Variants in GFRAL observed in about 807,000 individuals in gnomAD.
GFRAL encodes the protein GDNF family receptor alpha-like.
A neutral mutation model predicts 45.4 loss-of-function variants in GFRAL; 36 were observed. The ratio of observed to expected loss-of-function variants is 0.79; its 90% CI spans 0.61 to 1.05. The LOEUF (loss-of-function observed/expected upper bound fraction) is 1.05, where lower values mean the gene tolerates loss of function less well. GFRAL is among the 50% of genes least tolerant of loss of function. The pLI, the probability that GFRAL is intolerant of heterozygous loss-of-function variation, is 0.00. For missense variants in GFRAL, 507 were observed against 467.5 expected, an observed-to-expected ratio of 1.08 and a Z score of -0.78; for synonymous variants, 166 against 154.1, an observed-to-expected ratio of 1.08 and a Z score of -0.57.
chr6:55,395,164 A>G (rs1451839052), intron 6 of GFRAL, among the ~76,000 whole-genome samples: 4 of 84,232 alleles, frequency 4.7e-5, no homozygotes, highest in African/African-American at 2.0e-4. Flanking sequence ...AGCCTATGGA[A>G]AAAAAAAAAA....
At chr6:55,391,678 A>G (rs1464881639) in intron 6 of GFRAL, among the ~76,000 whole-genome samples, 1 of 151,578 alleles carries the variant, frequency 6.6e-6, no homozygotes, top group Non-Finnish European at 1.5e-5. Context: ...TGAGCCCAGG[A>G]GTTCAAAGTT....
chr6:55,363,589 C>G (rs1016489436), intron 6 of GFRAL, among the ~76,000 whole-genome samples: 2 of 93,600 alleles, frequency 2.1e-5, no homozygotes, highest in African/African-American at 4.5e-5. Flanking sequence ...CCTCCCCCCT[C>G]CCCCCACCCC....
chr6:55,379,816 A>G (rs1198354286), intron 6 of GFRAL, among the ~76,000 whole-genome samples: 1 of 151,642 alleles, frequency 6.6e-6, no homozygotes, highest in Non-Finnish European at 1.5e-5. Flanking sequence ...CTCCCCAACA[A>G]CCCTTGCTTT....
intron 3 of GFRAL, among the ~76,000 whole-genome samples, chr6:55,343,841 G>T (rs1768003356): frequency 6.6e-6 from 1 of 151,894 alleles, no homozygotes; most frequent in African/African-American, 2.4e-5. Context: ...AATGATAAAG[G>T]GGATATCACC....
intron 3 of GFRAL, among the ~76,000 whole-genome samples, chr6:55,336,352 T>C (rs1015728675): frequency 6.0e-4 from 92 of 152,232 alleles, no homozygotes; most frequent in African/African-American, 2.1e-3. Flanking sequence ...CAATTTACTA[T>C]GTCGAGTGTT....
Position 55,351,671 on chromosome 6 carries a change from C to G in GFRAL, c.701+88C>G, listed in dbSNP as rs560467154. 8 of 876,928 alleles carry G rather than the reference C, an allele frequency of 9.1e-6. No homozygotes were observed. In the East Asian group the frequency reaches 1.5e-4, roughly 17 times the overall value. 54.3% of individuals were successfully genotyped at this position (876,928 alleles called of 1,614,324 possible). ...CTAACACTTGATCTCATAACATTAG[C>G]TAGAGTTCCCACCATCATCCAACAT... On this transcript the variant is annotated intron_variant, in intron 5 of 8. Transcript: ENST00000340465.
At chr6:55,379,144 C>T (rs937059111) in intron 6 of GFRAL, among the ~76,000 whole-genome samples, 4 of 151,966 alleles carry the variant, frequency 2.6e-5, no homozygotes, top group Admixed American at 1.3e-4. Flanking sequence ...ATGTTACACA[C>T]TGTGCCTTTA....
chr6:55,329,693 T>C (rs1305213997), intron 1 of GFRAL, among the ~76,000 whole-genome samples: 1 of 152,072 alleles, frequency 6.6e-6, no homozygotes, highest in Non-Finnish European at 1.5e-5. Context: ...AAAGCTGATA[T>C]GTCCATTTCC....
intron 6 of GFRAL, among the ~76,000 whole-genome samples, chr6:55,385,001 C>A (rs1296099066): frequency 6.6e-6 from 1 of 152,000 alleles, no homozygotes; most frequent in Non-Finnish European, 1.5e-5. Flanking sequence ...ATGAGATCCA[C>A]CTGTGCAATT....
intron 5 of GFRAL, among the ~76,000 whole-genome samples, chr6:55,358,234 T>G (rs184506987): frequency 2.0e-5 from 3 of 151,880 alleles, no homozygotes; most frequent in Non-Finnish European, 4.4e-5. Context: ...AAAGCAATTT[T>G]CGGTGACAAA....
At position 55,401,126 on chromosome 6, in the gene GFRAL, T is replaced by C. The variant is rs368536614; in HGVS notation, c.1122-664T>C. Among the ~76,000 whole-genome samples the C allele has an allele frequency of 3.1e-3, 478 of 152,338 alleles. 3 individuals are homozygous for C. Among genetic ancestry groups the C allele is most frequent in the African/African-American group, 9.7e-3 (404 of 41,590 alleles). On this transcript the variant is annotated intron_variant, in intron 8 of 8. Transcript: ENST00000340465. ...GATGGCAGTGGGGGCATTATTATTA[T>C]GGACAAATGTTTTGAATTTATTCTA...
chr6:55,333,577 T>TATA (rs1767856353), intron 2 of GFRAL, among the ~76,000 whole-genome samples: 1 of 152,180 alleles, frequency 6.6e-6, no homozygotes, highest in African/African-American at 2.4e-5. Context: ...TGCAGAAAGT[T>TATA]TTAATATAGA....
chr6:55,355,091 A>C (rs1948779), intron 5 of GFRAL, among the ~76,000 whole-genome samples: 32,095 of 151,908 alleles, frequency 0.21, 3,655 homozygotes, highest in South Asian at 0.3. Flanking sequence ...TGTATGCATT[A>C]TTTAATTGAT....
intron 8 of GFRAL, 50 bp from the exon 9 acceptor site, chr6:55,401,740 T>C (rs768036330): frequency 9.2e-7 from 1 of 1,083,936 alleles, no homozygotes; most frequent in Non-Finnish European, 1.4e-6. Context: ...AGCACATTTG[T>C]GAAATCCTTA....
At chr6:55,352,227 C>T (rs1366484916) in intron 5 of GFRAL, among the ~76,000 whole-genome samples, 1 of 152,012 alleles carries the variant, frequency 6.6e-6, no homozygotes, top group African/African-American at 2.4e-5. Context: ...TCAAGCCACT[C>T]CACAAATCAG....
At chr6:55,381,883 TA>T (rs929463617) in intron 6 of GFRAL, among the ~76,000 whole-genome samples, 2 of 151,888 alleles carry the variant, frequency 1.3e-5, no homozygotes, top group African/African-American at 4.8e-5. Flanking sequence ...CACGTATACA[TA>T]AATGCACATA....
rs182535539 is a variant in GFRAL at position 55,402,135 on chromosome 6, G to A, written c.*282G>A. ...TGGGATTACAGGTACCCGCCACCACGCCCAGCTAATTTTTTTGTATTTTTA... is the reference window on the plus strand; with the variant it reads ...TGGGATTACAGGTACCCGCCACCACACCCAGCTAATTTTTTTGTATTTTTA... On this transcript the variant is annotated 3_prime_UTR_variant, in exon 9 of 9. Coordinates refer to ENST00000340465, the MANE Select transcript of GFRAL (RefSeq NM_207410.2). The A allele has an allele frequency of 2.5e-5, 6 of 243,890 alleles. No homozygotes were observed. The highest frequency in any genetic ancestry group is 1.9e-4 in the East Asian group (2 of 10,742). 15.1% of individuals were successfully genotyped at this position (243,890 alleles called of 1,614,324 possible).
At chr6:55,367,754 A>T (rs1212278887) in intron 6 of GFRAL, among the ~76,000 whole-genome samples, 1 of 151,644 alleles carries the variant, frequency 6.6e-6, no homozygotes, top group Non-Finnish European at 1.5e-5. Context: ...TTCTTTAAGA[A>T]TGTTGAATAT....
intron 6 of GFRAL, among the ~76,000 whole-genome samples, chr6:55,394,699 A>G (rs1393508859): frequency 1.3e-5 from 2 of 151,996 alleles, no homozygotes; most frequent in Non-Finnish European, 2.9e-5. Context: ...AGGAGGGAGA[A>G]CTAGAGGTAA....
Sources: gnomAD v4.1 joint callset for allele counts (sites outside exome capture counted in the v4.1 genomes callset) on GRCh38, gnomAD v4.1.1 for gene constraint, MANE v1.5 for transcripts, NCBI Gene and HGNC (gene_info 2026-07-23, HGNC 2026-07-21) for gene names.